RBL2: variants seen among roughly 807,000 people sequenced by gnomAD.
The protein encoded by RBL2 is retinoblastoma-like protein 2.
A neutral mutation model predicts 126.0 loss-of-function variants in RBL2; 56 were observed. That is an observed-to-expected ratio of 0.44 (90% CI 0.36 to 0.56). The LOEUF (loss-of-function observed/expected upper bound fraction) is 0.56. Ranked by LOEUF, RBL2 falls within the 20% of genes least tolerant of loss-of-function variation. The pLI is 0.00. For synonymous variants in RBL2, 454 were observed against 478.5 expected (o/e 0.95, Z 0.67); for missense variants, 1,229 against 1,398.2 (o/e 0.88, Z 1.93).
At chr16:53,487,384 C>A (rs1961217618) in intron 21 of RBL2, among the ~76,000 whole-genome samples, 1 of 152,126 alleles carries the variant, frequency 6.6e-6, no homozygotes, top group Admixed American at 6.5e-5. Context: ...CTGAAATAGA[C>A]AACACATGTA....
chr16:53,459,167 C>G (rs865804380), intron 8 of RBL2, among the ~76,000 whole-genome samples: 1 of 152,254 alleles, frequency 6.6e-6, no homozygotes. Context: ...GGAGCTGTAC[C>G]TTATTTTAGA....
intron 14 of RBL2, among the ~76,000 whole-genome samples, chr16:53,467,989 G>T (rs944740152): frequency 2.0e-5 from 3 of 152,138 alleles, no homozygotes; most frequent in Non-Finnish European, 4.4e-5. Context: ...ATTAGTGCTG[G>T]CCCAAGAAAT....
At chr16:53,473,268 C>G (rs1016146107) in intron 17 of RBL2, among the ~76,000 whole-genome samples, 2 of 151,914 alleles carry the variant, frequency 1.3e-5, no homozygotes, top group African/African-American at 4.8e-5. Flanking sequence ...ATCTGTAGAT[C>G]CATTTGGGGA....
At chr16:53,469,849 G>A (rs1417647637) in intron 14 of RBL2, 67 bp from the exon 15 acceptor site, 10 of 1,458,966 alleles carry the variant, frequency 6.9e-6, no homozygotes, top group Non-Finnish European at 9.1e-6. Flanking sequence ...TAACATAAGA[G>A]CTTGGACGGA....
In RBL2 at chr16:53,470,641, C is replaced by CT. The variant is rs2058314063; in HGVS notation, c.2507dup (p.Leu836PhefsTer6). Reference sequence around the variant, plus strand: ...AGTAATAGACCCAGGAAGACCAGCTCTTTATCGCTTTTCTTTAGAAAGGTA... The same window carrying CT: ...AGTAATAGACCCAGGAAGACCAGCTCTTTTATCGCTTTTCTTTAGAAAGGTA... On this transcript the variant is annotated frameshift_variant, in exon 16 of 22. Transcript: ENST00000262133. LOFTEE classifies it high-confidence loss of function. 1 of 1,613,894 alleles carries CT rather than the reference C, an allele frequency of 6.2e-7. No homozygotes were observed. Among genetic ancestry groups the CT allele is most frequent in the Non-Finnish European group, 8.5e-7 (1 of 1,179,882 alleles).
In RBL2 at chr16:53,434,756, G is replaced by A. The variant is rs2057938869; in HGVS notation, c.200G>A (p.Trp67Ter). 1 of 1,538,876 alleles carries A rather than the reference G, an allele frequency of 6.5e-7. No homozygotes were observed. Among genetic ancestry groups the A allele is most frequent in the African/African-American group, 1.4e-5 (1 of 72,512 alleles). ...GACGAGGCGGCGCGGGCCGAGGCCTGGGACAGCTACCGCAGCATGAGCGAA... is the reference window on the plus strand; with the variant it reads ...GACGAGGCGGCGCGGGCCGAGGCCTAGGACAGCTACCGCAGCATGAGCGAA... ...NMDEAARAEA[W>*]DSYRSMSESY... Residue 67 changes from tryptophan (W) to a stop codon, truncating the protein, a stop_gained, in exon 1 of 22, where the codon TGG becomes TAG. Coordinates refer to ENST00000262133, the MANE Select transcript of RBL2 (RefSeq NM_005611.4). LOFTEE classifies it high-confidence loss of function.
intron 3 of RBL2, among the ~76,000 whole-genome samples, chr16:53,445,126 A>C (rs1347615325): frequency 6.6e-6 from 1 of 152,250 alleles, no homozygotes; most frequent in Non-Finnish European, 1.5e-5. Context: ...CAGGAGTTTG[A>C]GACCAGCCTG....
chr16:53,474,032 A>G (rs1960626230), intron 17 of RBL2, among the ~76,000 whole-genome samples: 2 of 151,740 alleles, frequency 1.3e-5, no homozygotes, highest in African/African-American at 2.4e-5. Flanking sequence ...TCTTTTTTTG[A>G]GACAGTGTCT....
intron 9 of RBL2, 64 bp from the exon 10 acceptor site, chr16:53,461,677 C>G: frequency 8.7e-7 from 1 of 1,151,924 alleles, no homozygotes; most frequent in Non-Finnish European, 1.2e-6. Context: ...ATTATAGAAA[C>G]ATTTTATCCC....
At chr16:53,473,503 T>C (rs1013577141) in intron 17 of RBL2, among the ~76,000 whole-genome samples, 7 of 151,384 alleles carry the variant, frequency 4.6e-5, no homozygotes, top group African/African-American at 1.5e-4. Flanking sequence ...CTTTTGTATA[T>C]TGATCTAGTA....
Position 53,459,544 on chromosome 16 carries a change from A to G in RBL2, c.1273A>G (p.Ser425Gly). The part of the protein sequence containing the change: ...CVTPVSTATH[S>G]LSRLHTMLTG... ...GACTCCAGTTTCTACAGCTACGCAT[A>G]GCTTGAGTCGTCTTCACACCATGCT... Residue 425 changes from serine to glycine, a missense_variant, in exon 9 of 22, where the codon AGC (serine) becomes GGC (glycine). Physicochemically the swap from Ser to Gly is moderately conservative, Grantham distance 56. Coordinates refer to ENST00000262133, the MANE Select transcript of RBL2 (RefSeq NM_005611.4). 1.2e-6 allele frequency: 2 copies of G among 1,610,420 alleles called. No homozygotes were observed. The highest frequency in any genetic ancestry group is 1.7e-6 in the Non-Finnish European group (2 of 1,178,944).
chr16:53,444,023 C>T (rs1241733662), intron 3 of RBL2, among the ~76,000 whole-genome samples: 1 of 151,930 alleles, frequency 6.6e-6, no homozygotes. Context: ...CTGAGGCAGG[C>T]GAATCACCTG....
Position 53,438,213 on chromosome 16 carries a change from C to G in RBL2, c.241-803C>G, listed in dbSNP as rs74017231. 8.4e-3 allele frequency among the ~76,000 whole-genome samples: 1,279 copies of G among 152,080 alleles called. 22 individuals carry two copies. Among genetic ancestry groups the G allele is most frequent in the African/African-American group, 0.029 (1,193 of 41,464 alleles). ...CTGCGTCAAAATGACTGGTACCTCA[C>G]CTGGAAGACTTGAGCAACTAGGTAC... On this transcript the variant is annotated intron_variant, in intron 1 of 21. Coordinates refer to ENST00000262133, the MANE Select transcript of RBL2 (RefSeq NM_005611.4).
intron 21 of RBL2, 145 bp downstream of exon 21, chr16:53,481,980 C>A: frequency 1.0e-6 from 1 of 963,824 alleles, no homozygotes. Flanking sequence ...AAGCAAAACC[C>A]AGGGTTTGTT....
At chr16:53,449,091 T>C (rs1458265013) in intron 4 of RBL2, 2 of 152,220 alleles carry the variant, frequency 1.3e-5, no homozygotes, top group Non-Finnish European at 2.9e-5. Context: ...ACATGATCAG[T>C]GGCATGAAAT....
At chr16:53,475,985 C>T (rs936327631) in intron 17 of RBL2, among the ~76,000 whole-genome samples, 7 of 151,538 alleles carry the variant, frequency 4.6e-5, no homozygotes, top group Non-Finnish European at 1.0e-4. Flanking sequence ...CCGTGCACCA[C>T]CATGCCCTGC....
At chr16:53,441,811 GTTTCTTTTTCTT>G (rs764807538) in intron 2 of RBL2, among the ~76,000 whole-genome samples, 37 of 151,984 alleles carry the variant, frequency 2.4e-4, no homozygotes, top group African/African-American at 1.9e-4. Context: ...AATTTTGACT[GTTTCTTTTTCTT>G]TTTCTTTTTC....
chr16:53,459,675 C>T, intron 9 of RBL2, 58 bp downstream of exon 9: 1 of 1,436,226 alleles, frequency 7.0e-7, no homozygotes, highest in Non-Finnish European at 9.3e-7. Context: ...TTCCAATTTC[C>T]TATTCTTTCA....
In RBL2 at chr16:53,470,915, T is replaced by C. The variant is rs949959706; in HGVS notation, c.2696T>C (p.Met899Thr). Residue 899 changes from methionine to threonine, a missense_variant, in exon 17 of 22, where the codon ATG becomes ACG. Physicochemically the swap from Met to Thr is moderately conservative, Grantham distance 81. This residue lies in a region of RBL2 where 1,070 missense variants were observed against 1,274.3 expected (regional missense o/e 0.84). Coordinates refer to ENST00000262133, the MANE Select transcript of RBL2 (RefSeq NM_005611.4). ...TTATTAATGTGTGCCATTTATGTGA[T>C]GGCAAAGGTGAGTACCATTTGGAAT... ...DQLLMCAIYV[M>T]AKVTKEDKSF... 1 of 1,611,268 alleles carries C rather than the reference T, an allele frequency of 6.2e-7. No individual in the cohort carries two copies. Among genetic ancestry groups the C allele is most frequent in the East Asian group, 2.2e-5 (1 of 44,864 alleles).
Sources: allele counts gnomAD v4.1 joint callset (sites outside exome capture counted in the v4.1 genomes callset), GRCh38; gene constraint gnomAD v4.1.1; regional missense constraint gnomAD v4.1.1; transcripts MANE v1.5; gene names NCBI Gene and HGNC (gene_info 2026-07-23, HGNC 2026-07-21).